The following CALN1 variants were observed in gnomAD, a reference collection of about 807,000 sequenced individuals.
CALN1 encodes the protein calneuron 1.
Under a neutral mutation model 30.6 loss-of-function variants are expected in CALN1, and 17 were observed. That is an observed-to-expected ratio of 0.56 (90% CI 0.38 to 0.83). The LOEUF (loss-of-function observed/expected upper bound fraction) is 0.83. Among genes scored for constraint, CALN1 ranks in the 40% least tolerant of loss-of-function variants. CALN1 has a pLI of 0.00. For missense variants in CALN1, 291 were observed against 354.9 expected (o/e 0.82, Z 1.45); for synonymous variants, 156 against 131.4 (o/e 1.19, Z -1.28).
At chr7:71,830,982 T>C (rs980738469) in intron 5 of CALN1, among the ~76,000 whole-genome samples, 1 of 152,172 alleles carries the variant, frequency 6.6e-6, no homozygotes, top group Non-Finnish European at 1.5e-5. Flanking sequence ...TCACTTTTAT[T>C]GGCAGCTGCA....
At position 72,396,769 on chromosome 7, in the gene CALN1, C is replaced by T. The variant is rs184984493; in HGVS notation, c.119+6482G>A. 3.2e-3 allele frequency among the ~76,000 whole-genome samples: 482 copies of T among 152,152 alleles called. 1 individual carries two copies. Among genetic ancestry groups the T allele is most frequent in the Non-Finnish European group, 4.9e-3 (331 of 68,004 alleles). On this transcript the variant is annotated intron_variant, in intron 2 of 6. Coordinates refer to ENST00000395275, the MANE Select transcript of CALN1 (RefSeq NM_031468.4). ...GACACCATTCTTAAGACAAGTGAGT[C>T]GGGGTTGAAATAGTCATGGAGACCT...
chr7:72,161,016 G>A (rs1191617743), intron 3 of CALN1, among the ~76,000 whole-genome samples: 1 of 152,140 alleles, frequency 6.6e-6, no homozygotes, highest in African/African-American at 2.4e-5. Flanking sequence ...AAGCTGGCAG[G>A]GAGCTTCTGG....
chr7:72,082,794 C>T (rs961858587), intron 4 of CALN1, among the ~76,000 whole-genome samples: 2 of 152,232 alleles, frequency 1.3e-5, no homozygotes, highest in Non-Finnish European at 2.9e-5. Context: ...AGCCTGACTC[C>T]AGTGCCTGGC....
intron 5 of CALN1, among the ~76,000 whole-genome samples, chr7:72,001,259 T>C (rs1407933669): frequency 2.6e-5 from 4 of 152,044 alleles, no homozygotes; most frequent in African/African-American, 9.7e-5. Flanking sequence ...GGAAAGGCAG[T>C]CTCTAAACAG....
intron 3 of CALN1, among the ~76,000 whole-genome samples, chr7:72,120,114 C>T (rs1808275561): frequency 6.6e-6 from 1 of 151,818 alleles, no homozygotes; most frequent in Non-Finnish European, 1.5e-5. Flanking sequence ...CCCAGTAGTC[C>T]CCAGTATCTA....
At chr7:72,410,403 T>C (rs1231867570) in intron 1 of CALN1, among the ~76,000 whole-genome samples, 1 of 152,210 alleles carries the variant, frequency 6.6e-6, no homozygotes, top group Non-Finnish European at 1.5e-5. Flanking sequence ...TCCATGGAAT[T>C]CCTTGAAAGA....
At chr7:72,283,840 G>A (rs1421404800) in intron 2 of CALN1, among the ~76,000 whole-genome samples, 1 of 152,070 alleles carries the variant, frequency 6.6e-6, no homozygotes, top group Non-Finnish European at 1.5e-5. Context: ...GGGGCTACTT[G>A]AATGGAAAGT....
At chr7:72,164,021 G>GA (rs991334957) in intron 3 of CALN1, among the ~76,000 whole-genome samples, 2 of 152,064 alleles carry the variant, frequency 1.3e-5, no homozygotes, top group African/African-American at 2.4e-5. Context: ...TAAAGAGAGA[G>GA]AAAAAACGGA....
chr7:71,784,645 C>T lies in CALN1; in HGVS notation c.*3130G>A, dbSNP rs1430563643. The stretch of plus-strand genomic sequence containing the variant: ...TCACTTGTGCTTTCCAGGGGGGCGG[C>T]GGGGGGTACCTGCTCTTGCAGCAAG... On this transcript the variant is annotated 3_prime_UTR_variant, in exon 7 of 7. Transcript: ENST00000395275. 2.6e-5 allele frequency: 10 copies of T among 385,434 alleles called. No homozygotes were observed. In the Admixed American group the frequency reaches 3.2e-4, roughly 12 times the overall value. The allele number at this position is 385,434 out of a possible 1,614,324, so 23.9% of individuals were successfully genotyped here.
chr7:72,151,255 C>T (rs960489923), intron 3 of CALN1, among the ~76,000 whole-genome samples: 5 of 152,112 alleles, frequency 3.3e-5, no homozygotes, highest in Non-Finnish European at 7.3e-5. Flanking sequence ...TCCCTCTGCT[C>T]GCTTCTTGGA....
In CALN1 at chr7:71,892,412, G is replaced by A. The variant is rs565996059; in HGVS notation, c.502-81920C>T. Among the ~76,000 whole-genome samples, 23 of 152,208 alleles carry A rather than the reference G, an allele frequency of 1.5e-4. No individual in the cohort carries two copies. In the South Asian group the frequency reaches 4.2e-3, roughly 27 times the overall value. ...AGCACTTTGGGAGGCCGAGGTGGGCGGATTACTTGAGGCCAGGAGTTCGAG... is the reference window on the plus strand; with the variant it reads ...AGCACTTTGGGAGGCCGAGGTGGGCAGATTACTTGAGGCCAGGAGTTCGAG... On this transcript the variant is annotated intron_variant, in intron 5 of 6. Transcript: ENST00000395275.
chr7:72,300,793 G>A (rs1158567872), intron 2 of CALN1, among the ~76,000 whole-genome samples: 1 of 152,148 alleles, frequency 6.6e-6, no homozygotes, highest in African/African-American at 2.4e-5. Context: ...AGGAGTTCGA[G>A]ACCAGCCTGG....
intron 5 of CALN1, among the ~76,000 whole-genome samples, chr7:71,927,896 TAGG>T (rs1795348312): frequency 6.6e-6 from 1 of 152,142 alleles, no homozygotes; most frequent in Non-Finnish European, 1.5e-5. Context: ...CCCCCAGTGG[TAGG>T]AGATCTTTAA....
chr7:72,198,002 GA>G (rs34149630), intron 3 of CALN1, among the ~76,000 whole-genome samples: 5,810 of 150,830 alleles, frequency 0.039, 347 homozygotes, highest in African/African-American at 0.13. Flanking sequence ...CAGAACTCCT[GA>G]AAAAAAAAGG....
chr7:72,091,692 C>A (rs1805874106), intron 4 of CALN1, among the ~76,000 whole-genome samples: 1 of 152,178 alleles, frequency 6.6e-6, no homozygotes, highest in Non-Finnish European at 1.5e-5. Flanking sequence ...CATCAGTAGG[C>A]AGGCATAGAA....
At chr7:72,225,011 C>T (rs1378825766) in intron 3 of CALN1, among the ~76,000 whole-genome samples, 8 of 151,218 alleles carry the variant, frequency 5.3e-5, no homozygotes, top group African/African-American at 9.7e-5. Flanking sequence ...GGCAGGAGAA[C>T]GGCATGCATG....
At chr7:72,415,822 G>A (rs941634293), upstream of CALN1, among the ~76,000 whole-genome samples, 21 of 152,266 alleles carry the variant, frequency 1.4e-4, no homozygotes, top group African/African-American at 4.6e-4. Context: ...GCTACTGGAC[G>A]GTGACACCGC....
At chr7:72,394,478 G>A (rs1466570598) in intron 2 of CALN1, among the ~76,000 whole-genome samples, 4 of 152,262 alleles carry the variant, frequency 2.6e-5, no homozygotes, top group African/African-American at 9.6e-5. Flanking sequence ...GACCTGAACA[G>A]ACATCATTAC....
chr7:71,821,360 A>G (rs1372881288), intron 5 of CALN1, among the ~76,000 whole-genome samples: 1 of 152,166 alleles, frequency 6.6e-6, no homozygotes, highest in Non-Finnish European at 1.5e-5. Context: ...TTTATGAAGA[A>G]GAAGAAGTTT....
Sources: allele counts gnomAD v4.1 joint callset (sites outside exome capture counted in the v4.1 genomes callset), GRCh38; gene constraint gnomAD v4.1.1; transcripts MANE v1.5; gene names NCBI Gene and HGNC (gene_info 2026-07-23, HGNC 2026-07-21).